Variants in SLC14A2 observed in about 807,000 individuals in gnomAD.
The protein encoded by SLC14A2 is solute carrier family 14 member 2, also known as urea transporter 2.
A neutral mutation model predicts 104.6 loss-of-function variants in SLC14A2; 91 were observed. The observed-to-expected ratio is 0.87, with a 90% CI of 0.73 to 1.04. The LOEUF (loss-of-function observed/expected upper bound fraction) is 1.04. Ranked by LOEUF, SLC14A2 falls within the 50% of genes least tolerant of loss-of-function variation. SLC14A2 has a pLI of 0.00. For missense variants in SLC14A2, 1,189 were observed against 1,156.0 expected (o/e 1.03, Z -0.41); for synonymous variants, 476 against 466.4 (o/e 1.02, Z -0.27).
intron 1 of SLC14A2, among the ~76,000 whole-genome samples, chr18:45,288,172 G>A (rs748691738): frequency 2.1e-5 from 2 of 96,514 alleles, no homozygotes; most frequent in Non-Finnish European, 3.9e-5. Context: ...GGTAGCTTTT[G>A]TTGATACTGA....
intron 1 of SLC14A2, among the ~76,000 whole-genome samples, chr18:45,292,576 T>C (rs1200623228): frequency 6.6e-6 from 1 of 152,240 alleles, no homozygotes; most frequent in South Asian, 2.1e-4. Context: ...GGGGCAGTTG[T>C]ACCCAGACCA....
upstream of SLC14A2, among the ~76,000 whole-genome samples, chr18:45,209,180 CAAAAAAA>C (rs71372700): frequency 4.8e-5 from 4 of 83,868 alleles, no homozygotes; most frequent in African/African-American, 7.7e-5. Flanking sequence ...ATTAAAAATA[CAAAAAAA>C]AAAAAAAAAA....
chr18:45,188,587 C>T, the SLC14A2 span, among the ~76,000 whole-genome samples: 13 of 152,172 alleles, frequency 8.5e-5, no homozygotes, highest in African/African-American at 1.2e-4. Context: ...ATCACAGGAC[C>T]TCCAGGATCC....
intron 1 of SLC14A2, among the ~76,000 whole-genome samples, chr18:45,400,293 T>C (rs989132862): frequency 2.6e-5 from 4 of 152,198 alleles, no homozygotes; most frequent in African/African-American, 9.7e-5. Flanking sequence ...TTGAGTCTCC[T>C]ACTCTTGATG....
chr18:45,280,318 G>T (rs1452531903), intron 1 of SLC14A2, among the ~76,000 whole-genome samples: 1 of 152,134 alleles, frequency 6.6e-6, no homozygotes, highest in Non-Finnish European at 1.5e-5. Flanking sequence ...GGAGGAAAAG[G>T]GGCCTCAGTT....
At chr18:45,549,539 C>T (rs140168141) in intron 2 of SLC14A2, among the ~76,000 whole-genome samples, 635 of 152,314 alleles carry the variant, frequency 4.2e-3, no homozygotes, top group South Asian at 0.011. Flanking sequence ...TCCGTTCTAC[C>T]TCACCGCTTT....
At chr18:45,656,142 G>C (rs2045832544) in intron 10 of SLC14A2, among the ~76,000 whole-genome samples, 1 of 152,212 alleles carries the variant, frequency 6.6e-6, no homozygotes, top group South Asian at 2.1e-4. Context: ...CTCCACTGCG[G>C]CCTCAACTTC....
intron 1 of SLC14A2, among the ~76,000 whole-genome samples, chr18:45,349,499 T>C (rs972401699): frequency 6.6e-6 from 1 of 152,178 alleles, no homozygotes; most frequent in Non-Finnish European, 1.5e-5. Flanking sequence ...ATGGAATATA[T>C]GTCAATGGGC....
In SLC14A2 at chr18:45,215,015, T is replaced by C. The variant is rs542814657; in HGVS notation, c.-125+1824T>C. Among the ~76,000 whole-genome samples the C allele has an allele frequency of 2.0e-4, 31 of 152,010 alleles. No individual in the cohort carries two copies. The South Asian group carries it at 5.2e-3, about 26-fold the overall frequency. Reference sequence around the variant, plus strand: ...ACAGGCAGTAAGTACTCTTGGAGTTTAGAGAAGGGAGTGATTGGTGAGGAC... The same window carrying C: ...ACAGGCAGTAAGTACTCTTGGAGTTCAGAGAAGGGAGTGATTGGTGAGGAC... On this transcript the variant is annotated intron_variant, in intron 1 of 20. Transcript: ENST00000586448.
intron 1 of SLC14A2, among the ~76,000 whole-genome samples, chr18:45,284,762 C>T (rs1475383465): frequency 1.3e-5 from 2 of 151,924 alleles, no homozygotes; most frequent in East Asian, 1.9e-4. Context: ...AAATACAAAA[C>T]GAGGGTCTGG....
chr18:45,307,526 G>C (rs957803985), intron 1 of SLC14A2, among the ~76,000 whole-genome samples: 2 of 152,122 alleles, frequency 1.3e-5, no homozygotes, highest in African/African-American at 4.8e-5. Context: ...GCCTGCTGTG[G>C]AGTGGAGAAC....
At chr18:45,343,661 T>G (rs1280127465) in intron 1 of SLC14A2, among the ~76,000 whole-genome samples, 2 of 152,178 alleles carry the variant, frequency 1.3e-5, no homozygotes, top group East Asian at 1.9e-4. Flanking sequence ...TAAAATGCTA[T>G]GATTTAATTT....
the SLC14A2 span, among the ~76,000 whole-genome samples, chr18:45,188,001 C>A: frequency 6.6e-6 from 1 of 151,978 alleles, no homozygotes; most frequent in Non-Finnish European, 1.5e-5. Context: ...TAGGAAGTGT[C>A]CTGTCAGTGC....
chr18:45,471,849 G>T (rs1361944644), intron 1 of SLC14A2, among the ~76,000 whole-genome samples: 1 of 151,230 alleles, frequency 6.6e-6, no homozygotes, highest in Non-Finnish European at 1.5e-5. Context: ...ATTGAGGCTT[G>T]TTGTTTTTTT....
chr18:45,459,542 C>T lies in SLC14A2; in HGVS notation c.-124-23691C>T, dbSNP rs533596829. ...CAGCACACCACCTCCTTGTCTGGGC[C>T]TTAGTTCTCTCAACCAAGAAGAAAG... On this transcript the variant is annotated intron_variant, in intron 1 of 20. Transcript: ENST00000586448. 3.3e-5 allele frequency among the ~76,000 whole-genome samples: 5 copies of T among 152,280 alleles called. No individual in the cohort carries two copies. The South Asian group carries it at 8.3e-4, about 25-fold the overall frequency.
intron 1 of SLC14A2, among the ~76,000 whole-genome samples, chr18:45,423,097 G>A (rs1234808569): frequency 6.6e-6 from 1 of 152,152 alleles, no homozygotes; most frequent in African/African-American, 2.4e-5. Flanking sequence ...GTAATTGATG[G>A]TATTTCCATT....
At chr18:45,199,166 G>A in the SLC14A2 span, among the ~76,000 whole-genome samples, 1 of 151,742 alleles carries the variant, frequency 6.6e-6, no homozygotes. Context: ...CTGCCAACCA[G>A]ATTGATGGAT....
intron 1 of SLC14A2, among the ~76,000 whole-genome samples, chr18:45,243,629 G>A (rs918409697): frequency 3.9e-5 from 6 of 152,166 alleles, no homozygotes; most frequent in Admixed American, 6.5e-5. Flanking sequence ...AATGTATTCC[G>A]AGTTTTGAGT....
chr18:45,502,364 G>T (rs1353837580), intron 2 of SLC14A2, among the ~76,000 whole-genome samples: 1 of 152,156 alleles, frequency 6.6e-6, no homozygotes, highest in Non-Finnish European at 1.5e-5. Flanking sequence ...CTCCTCCAGG[G>T]CAGGGTCTGT....
Sources: allele counts gnomAD v4.1 joint callset (sites outside exome capture counted in the v4.1 genomes callset), GRCh38; gene constraint gnomAD v4.1.1; transcripts MANE v1.5; gene names NCBI Gene and HGNC (gene_info 2026-07-23, HGNC 2026-07-21).